The following CSMD1 variants were observed in gnomAD, a reference collection of about 807,000 sequenced individuals.
The protein encoded by CSMD1 is CUB and Sushi multiple domains 1, also known as CUB and sushi domain-containing protein 1.
A neutral mutation model predicts 417.5 loss-of-function variants in CSMD1; 213 were observed. The ratio of observed to expected loss-of-function variants is 0.51; its 90% confidence interval spans 0.46 to 0.57. The LOEUF (loss-of-function observed/expected upper bound fraction) is 0.57, where lower values mean the gene tolerates loss of function less well. Among genes scored for constraint, CSMD1 ranks in the 20% least tolerant of loss-of-function variants. CSMD1 has a pLI of 0.00. For synonymous variants in CSMD1, 2,862 were observed against 1,736.8 expected (o/e 1.65, Z -16.11); for missense variants, 6,923 against 4,529.7 (o/e 1.53, Z -15.17).
At chr8:3,832,514 C>T (rs1026567310) in intron 5 of CSMD1, among the ~76,000 whole-genome samples, 1 of 152,088 alleles carries the variant, frequency 6.6e-6, no homozygotes, top group Non-Finnish European at 1.5e-5. Flanking sequence ...CATAGCATCA[C>T]TTATTTTAAA....
At chr8:4,339,333 T>C (rs1044841914) in intron 3 of CSMD1, among the ~76,000 whole-genome samples, 8 of 152,128 alleles carry the variant, frequency 5.3e-5, no homozygotes, top group South Asian at 2.1e-4. Flanking sequence ...TCACAAGCTA[T>C]GCTGGCAGAT....
At chr8:4,205,094 T>C (rs961449991) in intron 3 of CSMD1, among the ~76,000 whole-genome samples, 1 of 152,238 alleles carries the variant, frequency 6.6e-6, no homozygotes, top group African/African-American at 2.4e-5. Flanking sequence ...TCAAATGCTT[T>C]AAAAAGAAAC....
At chr8:4,772,397 G>C (rs532489647) in intron 1 of CSMD1, among the ~76,000 whole-genome samples, 54 of 152,172 alleles carry the variant, frequency 3.5e-4, no homozygotes, top group African/African-American at 1.2e-3. Flanking sequence ...GGTTAGGTTG[G>C]GTCCACCCTG....
intron 1 of CSMD1, among the ~76,000 whole-genome samples, chr8:4,680,884 G>C (rs1485722783): frequency 1.3e-5 from 2 of 151,320 alleles, no homozygotes; most frequent in African/African-American, 4.9e-5. Context: ...CCAACCCTAA[G>C]ATAGTTTTCA....
chr8:4,754,388 T>C (rs1811535976), intron 1 of CSMD1, among the ~76,000 whole-genome samples: 1 of 151,884 alleles, frequency 6.6e-6, no homozygotes, highest in Non-Finnish European at 1.5e-5. Flanking sequence ...TATTAATTGA[T>C]CTGTAGTGTC....
chr8:3,948,123 T>C (rs6998029), intron 5 of CSMD1, among the ~76,000 whole-genome samples: 7,163 of 152,256 alleles, frequency 0.047, 279 homozygotes, highest in Non-Finnish European at 0.074. Context: ...GGATAACTGC[T>C]TTAACCGAGA....
At chr8:4,884,279 C>G (rs559069731) in intron 1 of CSMD1, among the ~76,000 whole-genome samples, 4 of 152,052 alleles carry the variant, frequency 2.6e-5, no homozygotes, top group South Asian at 4.1e-4. Flanking sequence ...TTACAAGTAT[C>G]TTACCAGATA....
intron 7 of CSMD1, among the ~76,000 whole-genome samples, chr8:3,633,949 G>A (rs918419305): frequency 6.6e-6 from 1 of 152,074 alleles, no homozygotes; most frequent in East Asian, 1.9e-4. Flanking sequence ...TCCATTTCAA[G>A]TGGATTCAGT....
chr8:4,387,111 G>T (rs1253274021), intron 3 of CSMD1, among the ~76,000 whole-genome samples: 1 of 152,148 alleles, frequency 6.6e-6, no homozygotes, highest in East Asian at 1.9e-4. Flanking sequence ...AGGATAAATG[G>T]AAAGTTTCTG....
At chr8:3,703,202 G>A (rs1435877802) in intron 7 of CSMD1, among the ~76,000 whole-genome samples, 4 of 152,114 alleles carry the variant, frequency 2.6e-5, no homozygotes, top group Non-Finnish European at 5.9e-5. Flanking sequence ...CGCCCTCACC[G>A]CACAGAAGAG....
chr8:4,100,507 G>C (rs529389943), intron 3 of CSMD1, among the ~76,000 whole-genome samples: 3 of 152,074 alleles, frequency 2.0e-5, no homozygotes, highest in African/African-American at 7.2e-5. Context: ...ACTATAAAAT[G>C]GATTAAAAAT....
At chr8:3,989,913 C>T (rs560748654) in intron 5 of CSMD1, among the ~76,000 whole-genome samples, 1 of 152,126 alleles carries the variant, frequency 6.6e-6, no homozygotes, top group African/African-American at 2.4e-5. Context: ...ATTGTGCAAA[C>T]TTTCATAAGA....
chr8:4,664,024 T>C (rs545222463), intron 1 of CSMD1, among the ~76,000 whole-genome samples: 2 of 152,190 alleles, frequency 1.3e-5, no homozygotes, highest in Non-Finnish European at 2.9e-5. Flanking sequence ...CACAATGCTG[T>C]TCTGATGAAG....
At chr8:3,855,212 G>T (rs932437952) in intron 5 of CSMD1, among the ~76,000 whole-genome samples, 2 of 152,056 alleles carry the variant, frequency 1.3e-5, no homozygotes, top group Non-Finnish European at 2.9e-5. Context: ...TAATGGACAA[G>T]GCTGCGACAG....
rs1177913329 is a variant in CSMD1 at position 3,411,900 on chromosome 8, A to G, written c.1562-2295T>C. 7.3e-5 allele frequency among the ~76,000 whole-genome samples: 9 copies of G among 122,800 alleles called. 1 individual carries two copies. The highest frequency in any genetic ancestry group is 2.3e-4 in the African/African-American group (8 of 34,304). The allele number at this position is 122,800 out of a possible 152,430, so 80.6% of individuals were successfully genotyped here. On this transcript the variant is annotated intron_variant, in intron 12 of 69. Transcript: ENST00000635120. ...TATATATACACGTATATATGCACGT[A>G]TATATACACGTATATATGCACGTAT...
intron 17 of CSMD1, among the ~76,000 whole-genome samples, chr8:3,395,022 G>C (rs576899400): frequency 6.6e-6 from 1 of 152,196 alleles, no homozygotes; most frequent in Non-Finnish European, 1.5e-5. Context: ...GCACATAACA[G>C]GTTGTTAATT....
At chr8:4,041,265 C>T (rs945634856) in intron 3 of CSMD1, among the ~76,000 whole-genome samples, 49 of 148,582 alleles carry the variant, frequency 3.3e-4, no homozygotes, top group African/African-American at 1.2e-3. Context: ...GATCCGCCCG[C>T]CTCGGCCTCC....
At chr8:3,510,731 G>A (rs913454904) in intron 10 of CSMD1, among the ~76,000 whole-genome samples, 3 of 151,728 alleles carry the variant, frequency 2.0e-5, no homozygotes, top group Admixed American at 6.6e-5. Context: ...TCTCATTGTG[G>A]TTTTGATTTG....
At chr8:4,814,017 GCTT>G (rs936904636) in intron 1 of CSMD1, among the ~76,000 whole-genome samples, 102 of 152,172 alleles carry the variant, frequency 6.7e-4, no homozygotes, top group African/African-American at 2.0e-3. Context: ...CCCTTTTTGA[GCTT>G]CATCACATTT....
Sources: gnomAD v4.1 joint callset for allele counts (sites outside exome capture counted in the v4.1 genomes callset) on GRCh38, gnomAD v4.1.1 for gene constraint, MANE v1.5 for transcripts, NCBI Gene and HGNC (gene_info 2026-07-23, HGNC 2026-07-21) for gene names.